EXOC6: variants seen among roughly 807,000 people sequenced by gnomAD.
The protein encoded by EXOC6 is exocyst complex component 6, also known as SEC15-like 1.
EXOC6 carries 60 observed loss-of-function variants against 112.5 expected under a neutral mutation model. The ratio of observed to expected loss-of-function variants is 0.53; its 90% CI spans 0.43 to 0.66. EXOC6 has a LOEUF of 0.66. Ranked by LOEUF, EXOC6 falls within the 30% of genes least tolerant of loss-of-function variation. The probability of loss-of-function intolerance (pLI) is 0.00; values close to 1 mark genes in which losing one functional copy is unlikely to be tolerated. For missense variants in EXOC6, 855 were observed against 957.1 expected, an observed-to-expected ratio of 0.89 and a Z score of 1.41; for synonymous variants, 295 against 308.0, an observed-to-expected ratio of 0.96 and a Z score of 0.44.
chr10:92,939,738 A>C (rs116789031), intron 12 of EXOC6, among the ~76,000 whole-genome samples: 273 of 152,272 alleles, frequency 1.8e-3, no homozygotes, highest in African/African-American at 6.0e-3. Context: ...AAGTTACACA[A>C]GGAAACTGGA....
intron 13 of EXOC6, among the ~76,000 whole-genome samples, chr10:92,948,050 C>G (rs2133995148): frequency 6.7e-6 from 1 of 149,094 alleles, no homozygotes; most frequent in South Asian, 2.1e-4. Context: ...GGTTGTAAAA[C>G]AAGCTAGTGG....
intron 4 of EXOC6, among the ~76,000 whole-genome samples, chr10:92,896,099 GTATA>G (rs1288350954): frequency 6.0e-5 from 1 of 16,716 alleles, no homozygotes; most frequent in Non-Finnish European, 8.2e-5. Flanking sequence ...ATATATGTGT[GTATA>G]TATATGTGTA....
chr10:92,901,852 T>C (rs1179151079), intron 5 of EXOC6: 1 of 103,820 alleles, frequency 9.6e-6, no homozygotes, highest in Middle Eastern at 4.8e-3. Flanking sequence ...AAAAAAAAAA[T>C]AGCTGAGCGT....
chr10:92,958,737 CAG>C (rs1249787726), intron 17 of EXOC6, among the ~76,000 whole-genome samples: 3 of 152,166 alleles, frequency 2.0e-5, no homozygotes, highest in African/African-American at 7.2e-5. Flanking sequence ...GAAGAACCAA[CAG>C]AGTATTGAAG....
intron 1 of EXOC6, among the ~76,000 whole-genome samples, chr10:92,863,435 C>CTGTT (rs995009743): frequency 5.5e-4 from 84 of 152,234 alleles, no homozygotes; most frequent in African/African-American, 1.9e-3. Flanking sequence ...AATAACTGAA[C>CTGTT]TGTTCTAGGG....
intron 5 of EXOC6, among the ~76,000 whole-genome samples, chr10:92,906,238 A>G (rs1237193667): frequency 1.3e-5 from 2 of 152,156 alleles, no homozygotes; most frequent in African/African-American, 2.4e-5. Flanking sequence ...TGTACATTGG[A>G]AGTGATTCAG....
rs901929274 is a variant in EXOC6, at chr10:93,024,927, C to T, written c.2169+10660C>T. On this transcript the variant is annotated intron_variant, in intron 20 of 21. Transcript: ENST00000260762. The stretch of plus-strand genomic sequence containing the variant: ...TTTTCTCTTTTTTTCCTGGAAAGCC[C>T]GACCGCAGGGATCAACATATTTTTA... Among the ~76,000 whole-genome samples the T allele has an allele frequency of 5.3e-5, 8 of 151,982 alleles. No homozygotes were observed. The East Asian group carries it at 5.8e-4, about 11-fold the overall frequency.
At chr10:92,839,383 T>C (rs1470593330) in intron 1 of EXOC6, among the ~76,000 whole-genome samples, 1 of 152,168 alleles carries the variant, frequency 6.6e-6, no homozygotes, top group Non-Finnish European at 1.5e-5. Flanking sequence ...TTAGTCCCTG[T>C]TTTACTCAGT....
chr10:93,010,731 A>G (rs17108042), intron 19 of EXOC6, among the ~76,000 whole-genome samples: 1 of 151,028 alleles, frequency 6.6e-6, no homozygotes, highest in Non-Finnish European at 1.5e-5. Context: ...GGACTCGGCA[A>G]CTTTTAAACT....
chr10:92,975,125 G>A (rs1485233391), intron 18 of EXOC6, among the ~76,000 whole-genome samples: 3 of 151,632 alleles, frequency 2.0e-5, no homozygotes, highest in East Asian at 3.9e-4. Context: ...AGTGAGGAGC[G>A]CCTCTTCCCG....
chr10:92,836,732 T>G (rs535188582), intron 1 of EXOC6, among the ~76,000 whole-genome samples: 1 of 152,176 alleles, frequency 6.6e-6, no homozygotes, highest in African/African-American at 2.4e-5. Context: ...TTTGATGCCT[T>G]TCCATACATA....
intron 20 of EXOC6, among the ~76,000 whole-genome samples, chr10:93,034,886 G>A (rs1193774564): frequency 3.9e-5 from 6 of 152,100 alleles, no homozygotes; most frequent in East Asian, 1.9e-4. Flanking sequence ...TTTTAAAGTC[G>A]TTGACTTCTT....
chr10:93,025,768 C>T (rs573491523), intron 20 of EXOC6, among the ~76,000 whole-genome samples: 24 of 152,216 alleles, frequency 1.6e-4, no homozygotes, highest in African/African-American at 4.3e-4. Flanking sequence ...ATTATGCATT[C>T]GGGCAAATCA....
chr10:93,007,319 A>G (rs1844039025), intron 19 of EXOC6, among the ~76,000 whole-genome samples: 2 of 151,574 alleles, frequency 1.3e-5, no homozygotes, highest in Non-Finnish European at 1.5e-5. Context: ...CAAATAACTC[A>G]TGTTTTGCCT....
upstream of EXOC6, among the ~76,000 whole-genome samples, chr10:92,834,260 G>C (rs1846590227): frequency 6.6e-6 from 1 of 152,090 alleles, no homozygotes; most frequent in African/African-American, 2.4e-5. Context: ...TTGTGGGCAA[G>C]CCCTTGCCCA....
intron 4 of EXOC6, among the ~76,000 whole-genome samples, chr10:92,896,165 ATATATATATATATATATTTTTTTT>A (rs1849784538): frequency 1.4e-4 from 3 of 22,168 alleles, no homozygotes; most frequent in African/African-American, 6.8e-4. Flanking sequence ...ATATATATAT[ATATATATATATATATATTTTTTTT>A]TTTTTTTTTT....
At chr10:92,938,371 A>G (rs1175533282) in intron 12 of EXOC6, among the ~76,000 whole-genome samples, 3 of 152,118 alleles carry the variant, frequency 2.0e-5, no homozygotes, top group Admixed American at 2.0e-4. Context: ...GGTCTATCTT[A>G]TACTGAATTA....
intron 1 of EXOC6, among the ~76,000 whole-genome samples, chr10:92,851,132 A>G (rs764459568): frequency 1.8e-4 from 28 of 152,208 alleles, no homozygotes; most frequent in Non-Finnish European, 3.4e-4. Flanking sequence ...TATGGCACCA[A>G]ACACCTCTAC....
At chr10:92,903,771 A>T (rs1222562770) in intron 5 of EXOC6, among the ~76,000 whole-genome samples, 1 of 152,042 alleles carries the variant, frequency 6.6e-6, no homozygotes, top group Non-Finnish European at 1.5e-5. Context: ...AATATGGTAC[A>T]TTTACTTTAA....
Sources: allele counts gnomAD v4.1 joint callset (sites outside exome capture counted in the v4.1 genomes callset), GRCh38; gene constraint gnomAD v4.1.1; transcripts MANE v1.5; gene names NCBI Gene and HGNC (gene_info 2026-07-23, HGNC 2026-07-21).